ZFPM2: variants seen among roughly 807,000 people sequenced by gnomAD.
The protein encoded by ZFPM2 is zinc finger protein, FOG family member 2.
ZFPM2 carries 20 observed loss-of-function variants against 98.6 expected under a neutral mutation model. The observed-to-expected ratio is 0.20, with a 90% confidence interval of 0.14 to 0.29. The LOEUF is 0.29. ZFPM2 is among the 10% of genes least tolerant of loss of function. The probability of loss-of-function intolerance (pLI) is 1.00; values close to 1 mark genes in which losing one functional copy is unlikely to be tolerated. For synonymous variants in ZFPM2, 518 were observed against 502.7 expected (o/e 1.03, Z -0.41); for missense variants, 1,310 against 1,388.6 (o/e 0.94, Z 0.90).
At chr8:105,422,305 T>C (rs1458014791) in intron 2 of ZFPM2, among the ~76,000 whole-genome samples, 1 of 151,750 alleles carries the variant, frequency 6.6e-6, no homozygotes, top group Non-Finnish European at 1.5e-5. Flanking sequence ...GGTGTGGTGG[T>C]GGGTGCCTGT....
At chr8:105,678,303 A>G (rs1173502406) in intron 5 of ZFPM2, among the ~76,000 whole-genome samples, 1 of 152,224 alleles carries the variant, frequency 6.6e-6, no homozygotes, top group African/African-American at 2.4e-5. Context: ...AGTCACATGC[A>G]ATAGCACCTC....
intron 3 of ZFPM2, among the ~76,000 whole-genome samples, chr8:105,514,728 C>T (rs1174931016): frequency 6.6e-6 from 1 of 152,208 alleles, no homozygotes; most frequent in African/African-American, 2.4e-5. Context: ...GAGCTTTCAT[C>T]CTACCTATGC....
intron 1 of ZFPM2, among the ~76,000 whole-genome samples, chr8:105,385,763 C>T (rs1810976219): frequency 6.6e-6 from 1 of 152,188 alleles, no homozygotes; most frequent in Non-Finnish European, 1.5e-5. Context: ...CACATTTTAT[C>T]CATAGAGGAC....
At chr8:105,409,764 AC>A (rs1811539462) in intron 1 of ZFPM2, among the ~76,000 whole-genome samples, 1 of 151,900 alleles carries the variant, frequency 6.6e-6, no homozygotes, top group Non-Finnish European at 1.5e-5. Flanking sequence ...ATTTGTTAAA[AC>A]ATGGATTGAT....
chr8:105,687,903 A>G (rs1810778112), intron 5 of ZFPM2, among the ~76,000 whole-genome samples: 1 of 152,138 alleles, frequency 6.6e-6, no homozygotes, highest in Non-Finnish European at 1.5e-5. Flanking sequence ...TACATAGTAT[A>G]TTGAATATAA....
intron 3 of ZFPM2, among the ~76,000 whole-genome samples, chr8:105,550,585 A>C (rs1814828166): frequency 6.6e-6 from 1 of 152,158 alleles, no homozygotes; most frequent in African/African-American, 2.4e-5. Flanking sequence ...AGTTGCATGT[A>C]GGGAGAGAAA....
intron 1 of ZFPM2, among the ~76,000 whole-genome samples, chr8:105,407,227 T>C (rs931506318): frequency 1.2e-4 from 18 of 151,870 alleles, no homozygotes; most frequent in African/African-American, 4.3e-4. Flanking sequence ...AATGATTTTT[T>C]AAACAGTGGC....
chr8:105,444,037 A>T (rs1475186779), intron 2 of ZFPM2, among the ~76,000 whole-genome samples: 1 of 152,214 alleles, frequency 6.6e-6, no homozygotes, highest in African/African-American at 2.4e-5. Context: ...GAAAATTTAC[A>T]TGGAAATGTT....
chr8:105,777,767 G>A (rs189402939), intron 5 of ZFPM2, among the ~76,000 whole-genome samples: 1 of 152,150 alleles, frequency 6.6e-6, no homozygotes, highest in African/African-American at 2.4e-5. Context: ...ACGAAAAAAA[G>A]GCATTAATCA....
chr8:105,685,472 C>G (rs1034927414), intron 5 of ZFPM2, among the ~76,000 whole-genome samples: 1 of 152,026 alleles, frequency 6.6e-6, no homozygotes, highest in African/African-American at 2.4e-5. Context: ...ACCTACGTTG[C>G]ATTTTCAGTC....
chr8:105,378,474 C>G (rs1293082528), intron 1 of ZFPM2, among the ~76,000 whole-genome samples: 1 of 152,144 alleles, frequency 6.6e-6, no homozygotes, highest in Non-Finnish European at 1.5e-5. Flanking sequence ...CTTAATCTTT[C>G]CTCCTAGGCT....
chr8:105,327,725 C>T (rs1279991313), intron 1 of ZFPM2, among the ~76,000 whole-genome samples: 1 of 151,770 alleles, frequency 6.6e-6, no homozygotes, highest in Admixed American at 6.6e-5. Context: ...GCTTAACACA[C>T]AATTCGATTA....
At chr8:105,619,860 C>T (rs1031492891) in intron 4 of ZFPM2, among the ~76,000 whole-genome samples, 10 of 152,256 alleles carry the variant, frequency 6.6e-5, no homozygotes, top group African/African-American at 2.2e-4. Context: ...AGGACAAGAA[C>T]TCATCCTTTT....
At chr8:105,762,888 T>C (rs1812764215) in intron 5 of ZFPM2, among the ~76,000 whole-genome samples, 1 of 151,926 alleles carries the variant, frequency 6.6e-6, no homozygotes, top group Non-Finnish European at 1.5e-5. Context: ...TAGATCTTTA[T>C]TGGTAAAACT....
At chr8:105,771,963 G>C (rs1812985955) in intron 5 of ZFPM2, among the ~76,000 whole-genome samples, 1 of 152,174 alleles carries the variant, frequency 6.6e-6, no homozygotes, top group Non-Finnish European at 1.5e-5. Flanking sequence ...AGATTATGGA[G>C]TAACTATATT....
chr8:105,571,979 G>C (rs1195503471), intron 4 of ZFPM2, among the ~76,000 whole-genome samples: 1 of 150,952 alleles, frequency 6.6e-6, no homozygotes, highest in Admixed American at 6.6e-5. Context: ...CTGCTATAAA[G>C]CTCTGTGTTG....
chr8:105,674,075 C>T (rs1297755353), intron 5 of ZFPM2, among the ~76,000 whole-genome samples: 1 of 152,170 alleles, frequency 6.6e-6, no homozygotes, highest in East Asian at 1.9e-4. Flanking sequence ...ATAAAGCCAT[C>T]AGATCAATAA....
chr8:105,699,075 G>A lies in ZFPM2; in HGVS notation c.532+64718G>A, dbSNP rs142158728. On this transcript the variant is annotated intron_variant, in intron 5 of 7. Coordinates refer to ENST00000407775, the MANE Select transcript of ZFPM2 (RefSeq NM_012082.4). ...CTGCAGTTTAATTTACCTAATGTCA[G>A]ACTTAAGCAATATTAAATCTATTTG... Among the ~76,000 whole-genome samples the A allele has an allele frequency of 1.6e-3, 246 of 152,218 alleles. No individual in the cohort carries two copies. The Middle Eastern group carries it at 0.02, about 13-fold the overall frequency.
At chr8:105,398,284 A>C (rs892020444) in intron 1 of ZFPM2, among the ~76,000 whole-genome samples, 1 of 152,192 alleles carries the variant, frequency 6.6e-6, no homozygotes, top group African/African-American at 2.4e-5. Context: ...CTCTGTGTCC[A>C]TCAGCATTCC....
Sources: gnomAD v4.1 joint callset for allele counts (sites outside exome capture counted in the v4.1 genomes callset) on GRCh38, gnomAD v4.1.1 for gene constraint, MANE v1.5 for transcripts, NCBI Gene and HGNC (gene_info 2026-07-23, HGNC 2026-07-21) for gene names.